Variants in DIP2C observed in about 807,000 individuals in gnomAD.
The protein encoded by DIP2C is DIP2 acetate--CoA ligase C (putative), also known as disco-interacting protein 2 homolog C.
A neutral mutation model predicts 192.4 loss-of-function variants in DIP2C; 33 were observed. The observed-to-expected ratio is 0.17, with a 90% CI of 0.13 to 0.23. DIP2C has a LOEUF of 0.23. Ranked by LOEUF, DIP2C falls within the 10% of genes least tolerant of loss-of-function variation. The pLI, the probability that DIP2C is intolerant of heterozygous loss-of-function variation, is 1.00. For missense variants in DIP2C, 1,537 were observed against 2,110.1 expected (o/e 0.73, Z 5.32); for synonymous variants, 979 against 864.1 (o/e 1.13, Z -2.33).
In DIP2C at chr10:618,161, G is replaced by A. The variant is rs117847405; in HGVS notation, c.85+71333C>T. Among the ~76,000 whole-genome samples, 283 of 152,346 alleles carry A rather than the reference G, an allele frequency of 1.9e-3. 1 individual carries two copies. The highest frequency in any genetic ancestry group is 6.8e-3 in the Middle Eastern group (2 of 294). On this transcript the variant is annotated intron_variant, in intron 1 of 36. Coordinates refer to ENST00000280886, the MANE Select transcript of DIP2C (RefSeq NM_014974.3). ...TCAACAGTTTGATTCAATCATGTGAGTTACACATCTGCCAAGTTGTAAAGC... is the reference window on the plus strand; with the variant it reads ...TCAACAGTTTGATTCAATCATGTGAATTACACATCTGCCAAGTTGTAAAGC...
At position 425,095 on chromosome 10, in the gene DIP2C, A is replaced by G. The variant is rs111685090; in HGVS notation, c.395-2062T>C. ...TACAGCATGACCAGCGGTGACTAAT[A>G]TGACACGGATGATACAGCATGACCA... On this transcript the variant is annotated intron_variant, in intron 4 of 36. Coordinates refer to ENST00000280886, the MANE Select transcript of DIP2C (RefSeq NM_014974.3). 5.4e-4 allele frequency among the ~76,000 whole-genome samples: 20 copies of G among 36,918 alleles called. 2 individuals are homozygous for G. The highest frequency in any genetic ancestry group is 1.7e-3 in the African/African-American group (15 of 9,014). The allele number at this position is 36,918 out of a possible 152,430, so 24.2% of individuals were successfully genotyped here. A position where few individuals can be genotyped will look rare whatever the true frequency, so the allele number is the denominator to read the frequency against.
chr10:397,328 G>A (rs570726177), intron 10 of DIP2C, among the ~76,000 whole-genome samples: 17 of 152,118 alleles, frequency 1.1e-4, no homozygotes, highest in Non-Finnish European at 2.5e-4. Context: ...TCAGGAGTTC[G>A]AGACCAGCCT....
At chr10:467,565 TAAA>T (rs71376835) in intron 3 of DIP2C, among the ~76,000 whole-genome samples, 9 of 130,388 alleles carry the variant, frequency 6.9e-5, no homozygotes, top group East Asian at 2.2e-4. Context: ...TATTTAAGTG[TAAA>T]AAAAAAAAAA....
intron 18 of DIP2C, among the ~76,000 whole-genome samples, chr10:367,528 T>C (rs1433826848): frequency 6.6e-6 from 1 of 151,946 alleles, no homozygotes; most frequent in Non-Finnish European, 1.5e-5. Context: ...GAGAAAGAAG[T>C]GCTGCTGCTT....
chr10:613,411 C>A (rs1191583044), intron 1 of DIP2C, among the ~76,000 whole-genome samples: 2 of 152,162 alleles, frequency 1.3e-5, no homozygotes, highest in African/African-American at 4.8e-5. Context: ...CCTGCCAGGC[C>A]CGGGAGGAAC....
At chr10:509,215 G>C (rs1845843759) in intron 1 of DIP2C, among the ~76,000 whole-genome samples, 1 of 152,150 alleles carries the variant, frequency 6.6e-6, no homozygotes, top group South Asian at 2.1e-4. Flanking sequence ...GATTCACCCG[G>C]GGAGGGGCAT....
intron 3 of DIP2C, among the ~76,000 whole-genome samples, chr10:460,794 G>A (rs914161649): frequency 1.6e-4 from 24 of 152,114 alleles, no homozygotes; most frequent in Non-Finnish European, 5.9e-5. Flanking sequence ...AATGTTAAGG[G>A]CAGCCAGAGA....
At chr10:524,145 G>A (rs1010431886) in intron 1 of DIP2C, among the ~76,000 whole-genome samples, 3 of 152,194 alleles carry the variant, frequency 2.0e-5, no homozygotes, top group East Asian at 3.9e-4. Context: ...TCCATGTCAA[G>A]GCCCCTAGTG....
At chr10:344,439 T>C (rs1189332494) in intron 28 of DIP2C, among the ~76,000 whole-genome samples, 1 of 152,022 alleles carries the variant, frequency 6.6e-6, no homozygotes, top group Admixed American at 6.6e-5. Context: ...GGGCGGCATC[T>C]GAGCTGAGAG....
intron 1 of DIP2C, among the ~76,000 whole-genome samples, chr10:588,762 C>G (rs1368559778): frequency 1.3e-5 from 2 of 152,226 alleles, no homozygotes; most frequent in Non-Finnish European, 2.9e-5. Flanking sequence ...GCTACCCCAG[C>G]CTGCCAGGCT....
intron 24 of DIP2C, among the ~76,000 whole-genome samples, chr10:354,889 A>T (rs1004512204): frequency 4.0e-5 from 6 of 151,874 alleles, no homozygotes; most frequent in Non-Finnish European, 8.8e-5. Context: ...TTACAGGAGA[A>T]ACACTACTGG....
At chr10:460,766 G>C (rs934325857) in intron 3 of DIP2C, among the ~76,000 whole-genome samples, 18 of 152,106 alleles carry the variant, frequency 1.2e-4, no homozygotes, top group African/African-American at 4.3e-4. Flanking sequence ...GATTCACCAA[G>C]ATTAAAATGA....
intron 10 of DIP2C, among the ~76,000 whole-genome samples, chr10:391,798 G>A (rs1343758104): frequency 6.6e-6 from 1 of 152,224 alleles, no homozygotes; most frequent in Non-Finnish European, 1.5e-5. Context: ...TCAGTAATCA[G>A]AGGCCTGGCT....
chr10:579,005 G>A lies in DIP2C; in HGVS notation c.86-92475C>T, dbSNP rs187060196. 9.5e-4 allele frequency among the ~76,000 whole-genome samples: 144 copies of A among 151,760 alleles called. No individual in the cohort carries two copies. The Middle Eastern group carries it at 0.01, about 11-fold the overall frequency. On this transcript the variant is annotated intron_variant, in intron 1 of 36. Transcript: ENST00000280886. ...TGTACATATGTAGGTACACTATAAC[G>A]TGTATGTGGTAGAGCGTACATACAT...
intron 1 of DIP2C, among the ~76,000 whole-genome samples, chr10:658,102 T>TCCCTGGACCTGC (rs1856507965): frequency 2.1e-5 from 2 of 94,542 alleles, no homozygotes; most frequent in Non-Finnish European, 4.4e-5. Flanking sequence ...GCTGGACCTG[T>TCCCTGGACCTGC]CCCTGGACCT....
intron 31 of DIP2C, among the ~76,000 whole-genome samples, chr10:313,536 A>C (rs1956650239): frequency 6.6e-6 from 1 of 151,390 alleles, no homozygotes; most frequent in African/African-American, 2.5e-5. Flanking sequence ...ATACAGTACA[A>C]CTATTTACAC....
At chr10:470,276 G>A (rs984112545) in intron 3 of DIP2C, among the ~76,000 whole-genome samples, 2 of 152,116 alleles carry the variant, frequency 1.3e-5, no homozygotes, top group Admixed American at 6.5e-5. Flanking sequence ...GTGAAGAGGC[G>A]CCATATTTCA....
intron 29 of DIP2C, among the ~76,000 whole-genome samples, chr10:336,493 G>A (rs1023938765): frequency 2.0e-5 from 3 of 152,188 alleles, no homozygotes; most frequent in Non-Finnish European, 4.4e-5. Flanking sequence ...GCATCTTAGA[G>A]ATGAAGCCTA....
At chr10:645,602 ATGT>A (rs1364608292) in intron 1 of DIP2C, among the ~76,000 whole-genome samples, 1 of 152,232 alleles carries the variant, frequency 6.6e-6, no homozygotes, top group African/African-American at 2.4e-5. Flanking sequence ...TAAACAAAAC[ATGT>A]TGTCTAAATT....
Sources: gnomAD v4.1 joint callset for allele counts (sites outside exome capture counted in the v4.1 genomes callset) on GRCh38, gnomAD v4.1.1 for gene constraint, MANE v1.5 for transcripts, NCBI Gene and HGNC (gene_info 2026-07-23, HGNC 2026-07-21) for gene names.